ABCB1: variants seen among roughly 807,000 people sequenced by gnomAD.
ABCB1 encodes ATP-dependent translocase ABCB1.
Under a neutral mutation model 142.0 loss-of-function variants are expected in ABCB1, and 69 were observed. The observed-to-expected ratio is 0.49, with a 90% CI of 0.40 to 0.59. The LOEUF (loss-of-function observed/expected upper bound fraction) is 0.59, where lower values mean the gene tolerates loss of function less well. ABCB1 is among the 20% of genes least tolerant of loss of function. ABCB1 has a pLI of 0.00. For missense variants in ABCB1, 1,326 were observed against 1,554.7 expected, an observed-to-expected ratio of 0.85 and a Z score of 2.47; for synonymous variants, 532 against 539.2, an observed-to-expected ratio of 0.99 and a Z score of 0.18.
intron 1 of ABCB1, among the ~76,000 whole-genome samples, chr7:87,694,418 A>G (rs11983274): frequency 0.02 from 3,059 of 152,280 alleles, 112 homozygotes; most frequent in African/African-American, 0.07. Context: ...AGTTTCTGCT[A>G]TATGCAAAAC....
intron 1 of ABCB1, among the ~76,000 whole-genome samples, chr7:87,615,962 G>A (rs1290085288): frequency 6.6e-6 from 1 of 152,210 alleles, no homozygotes; most frequent in Non-Finnish European, 1.5e-5. Flanking sequence ...ATTGAGGAGA[G>A]CATAACAAGC....
At chr7:87,543,242 C>A (rs776679095) in intron 17 of ABCB1, among the ~76,000 whole-genome samples, 5 of 151,996 alleles carry the variant, frequency 3.3e-5, no homozygotes, top group Non-Finnish European at 5.9e-5. Context: ...TGCAGTGAGC[C>A]GAGTTCGCAC....
At chr7:87,662,639 T>C (rs1425583091) in intron 1 of ABCB1, among the ~76,000 whole-genome samples, 1 of 152,158 alleles carries the variant, frequency 6.6e-6, no homozygotes, top group East Asian at 1.9e-4. Flanking sequence ...AGTACCATGG[T>C]GTTTTGATTA....
chr7:87,569,059 A>G (rs1584889094), intron 5 of ABCB1, among the ~76,000 whole-genome samples: 1 of 152,126 alleles, frequency 6.6e-6, no homozygotes. Flanking sequence ...TCGGCAGGGC[A>G]TGGCGGCTCA....
intron 3 of ABCB1, among the ~76,000 whole-genome samples, chr7:87,586,068 G>T (rs1176007949): frequency 6.6e-6 from 1 of 152,190 alleles, no homozygotes; most frequent in African/African-American, 2.4e-5. Context: ...AGGCCCCTCT[G>T]AGGATACCAT....
upstream of ABCB1, among the ~76,000 whole-genome samples, chr7:87,601,230 T>A (rs1819446016): frequency 6.6e-6 from 1 of 152,212 alleles, no homozygotes; most frequent in African/African-American, 2.4e-5. Context: ...TCGCATTTAA[T>A]ACAGTTAATA....
At chr7:87,602,769 C>T (rs1010889405), upstream of ABCB1, among the ~76,000 whole-genome samples, 1 of 152,068 alleles carries the variant, frequency 6.6e-6, no homozygotes, top group African/African-American at 2.4e-5. Context: ...TATTGTATTC[C>T]ATTTCTTTGC....
intron 1 of ABCB1, among the ~76,000 whole-genome samples, chr7:87,644,657 A>T (rs933370986): frequency 6.6e-6 from 1 of 151,858 alleles, no homozygotes; most frequent in South Asian, 2.1e-4. Flanking sequence ...TTATTTGAAC[A>T]TTTTTTTTCC....
chr7:87,526,214 G>T (rs1815778612), intron 21 of ABCB1, among the ~76,000 whole-genome samples: 2 of 149,838 alleles, frequency 1.3e-5, no homozygotes, highest in Non-Finnish European at 3.0e-5. Flanking sequence ...TCCTTGATTG[G>T]CTCTGTCATA....
chr7:87,519,685 T>C (rs1424611679), intron 22 of ABCB1, among the ~76,000 whole-genome samples: 1 of 152,214 alleles, frequency 6.6e-6, no homozygotes, highest in Non-Finnish European at 1.5e-5. Flanking sequence ...TAATGTAGAA[T>C]TAACTACACC....
At chr7:87,561,521 C>A in intron 7 of ABCB1, 134 bp from the exon 8 acceptor site, 1 of 902,310 alleles carries the variant, frequency 1.1e-6, no homozygotes, top group Non-Finnish European at 1.7e-6. Context: ...TTTTACTTGC[C>A]TTTGGTCTGT....
At chr7:87,703,915 T>TTTTTTTTTTTTTTG (rs1829352564) in intron 1 of ABCB1, among the ~76,000 whole-genome samples, 3 of 18,526 alleles carry the variant, frequency 1.6e-4, no homozygotes, top group Admixed American at 6.7e-4. Context: ...TTTTTTTTGG[T>TTTTTTTTTTTTTTG]TTTTTTTTTT....
intron 3 of ABCB1, among the ~76,000 whole-genome samples, chr7:87,589,638 G>T (rs778892182): frequency 8.6e-5 from 13 of 151,902 alleles, no homozygotes; most frequent in South Asian, 8.3e-4. Flanking sequence ...TTTAAAAATT[G>T]TTTGGGTGTG....
intron 1 of ABCB1, among the ~76,000 whole-genome samples, chr7:87,702,202 T>A (rs547913204): frequency 4.2e-4 from 63 of 151,358 alleles, no homozygotes; most frequent in African/African-American, 1.3e-3. Context: ...AATTTTTTTT[T>A]AGGAAAAATA....
intron 1 of ABCB1, chr7:87,627,688 G>T (rs551465681): frequency 6.6e-6 from 1 of 152,240 alleles, no homozygotes; most frequent in Non-Finnish European, 1.5e-5. Flanking sequence ...GGACTCTGAG[G>T]GAGCAGCCCA....
intron 5 of ABCB1, among the ~76,000 whole-genome samples, chr7:87,568,336 G>A (rs758018564): frequency 1.1e-4 from 16 of 148,442 alleles, no homozygotes; most frequent in African/African-American, 3.5e-4. Flanking sequence ...CAGGAGAATC[G>A]CTTGAAGGCA....
In ABCB1 at chr7:87,550,041, C is replaced by T. The variant is rs752505100; in HGVS notation, c.1364G>A (p.Gly455Glu). Residue 455 changes from glycine to glutamate, a missense_variant, in exon 13 of 28, where the codon GGA becomes GAA. Physicochemically the swap from Gly to Glu is moderately conservative, Grantham distance 98. Coordinates refer to ENST00000622132, the MANE Select transcript of ABCB1 (RefSeq NM_001348946.2). ...DPTEGMVSVD[G>E]QDIRTINVRF... ...TACATTTATGGTCCTAATATCCTGT[C>T]CATCAACACTGACCTGGAATAAAAA... The T allele has an allele frequency of 1.9e-6, 3 of 1,614,172 alleles. No homozygotes were observed. The highest frequency in any genetic ancestry group is 2.2e-5 in the East Asian group (1 of 44,890).
chr7:87,579,134 G>A (rs964277616), intron 4 of ABCB1, among the ~76,000 whole-genome samples: 1 of 152,098 alleles, frequency 6.6e-6, no homozygotes, highest in African/African-American at 2.4e-5. Context: ...GGAGTCTTTA[G>A]GTTTTTCCAA....
chr7:87,626,399 ATATG>A (rs1274568086), intron 1 of ABCB1, among the ~76,000 whole-genome samples: 1 of 25,090 alleles, frequency 4.0e-5, no homozygotes, highest in African/African-American at 5.9e-4. Flanking sequence ...TATATGTGTC[ATATG>A]TATGTGTCAT....
Sources: allele counts gnomAD v4.1 joint callset (sites outside exome capture counted in the v4.1 genomes callset), GRCh38; gene constraint gnomAD v4.1.1; transcripts MANE v1.5; gene names NCBI Gene and HGNC (gene_info 2026-07-23, HGNC 2026-07-21).